Variants in CFAP300 observed in about 807,000 individuals in gnomAD.
CFAP300 encodes the protein cilia- and flagella-associated protein 300.
A neutral mutation model predicts 33.0 loss-of-function variants in CFAP300; 32 were observed. That is an observed-to-expected ratio of 0.97 (90% confidence interval 0.73 to 1.30). The LOEUF is 1.30. Among genes scored for constraint, CFAP300 ranks in the 50% most tolerant of loss-of-function variants. CFAP300 has a pLI of 0.00. For synonymous variants in CFAP300, 102 were observed against 106.8 expected, an observed-to-expected ratio of 0.95 and a Z score of 0.28; for missense variants, 356 against 318.1, an observed-to-expected ratio of 1.12 and a Z score of -0.90.
At chr11:102,066,358 T>A (rs538504284) in intron 3 of CFAP300, 127 bp from the exon 4 acceptor site, 143 of 555,730 alleles carry the variant, frequency 2.6e-4, no homozygotes, top group Middle Eastern at 1.5e-3. Flanking sequence ...ATATATATTT[T>A]AAATATATCA....
chr11:102,080,956 G>C (rs1039582456), intron 5 of CFAP300, among the ~76,000 whole-genome samples: 1 of 152,140 alleles, frequency 6.6e-6, no homozygotes, highest in African/African-American at 2.4e-5. Context: ...GCCTGGGAAG[G>C]TAATTTCATC....
intron 4 of CFAP300, among the ~76,000 whole-genome samples, chr11:102,072,891 C>T (rs953713843): frequency 5.3e-5 from 8 of 152,018 alleles, no homozygotes; most frequent in African/African-American, 1.9e-4. Flanking sequence ...ATGATTTATT[C>T]AGGTGTACTT....
chr11:102,056,246 T>A (rs1942054901), intron 2 of CFAP300, among the ~76,000 whole-genome samples: 1 of 152,234 alleles, frequency 6.6e-6, no homozygotes. Context: ...GTTTCCAAGT[T>A]TTGACACTAC....
At chr11:102,081,160 A>G (rs1294049583) in intron 5 of CFAP300, 55 bp from the exon 6 acceptor site, 1 of 1,246,728 alleles carries the variant, frequency 8.0e-7, no homozygotes, top group African/African-American at 1.5e-5. Context: ...CATTACTTAA[A>G]TGTATATGCC....
intron 4 of CFAP300, among the ~76,000 whole-genome samples, chr11:102,067,116 G>A (rs1379271390): frequency 6.6e-6 from 1 of 152,188 alleles, no homozygotes; most frequent in African/African-American, 2.4e-5. Flanking sequence ...GAGGCAGGTG[G>A]GTGGTTTGAG....
intron 2 of CFAP300, among the ~76,000 whole-genome samples, chr11:102,054,152 A>G (rs1190645123): frequency 6.6e-6 from 1 of 152,184 alleles, no homozygotes; most frequent in Non-Finnish European, 1.5e-5. Context: ...ATTTACCAGT[A>G]TACCCCTTTG....
At chr11:102,056,284 TCCTTATA>T (rs1413595986) in intron 2 of CFAP300, among the ~76,000 whole-genome samples, 2 of 152,212 alleles carry the variant, frequency 1.3e-5, no homozygotes, top group African/African-American at 4.8e-5. Flanking sequence ...AACAAAAAAC[TCCTTATA>T]CCTAAATCTT....
chr11:102,062,572 T>G (rs1384552961), intron 3 of CFAP300, among the ~76,000 whole-genome samples: 1 of 152,186 alleles, frequency 6.6e-6, no homozygotes, highest in Admixed American at 6.5e-5. Context: ...AGTGATGAAA[T>G]TGGAGATTTA....
chr11:102,048,491 A>G (rs1425286491), intron 2 of CFAP300, among the ~76,000 whole-genome samples: 1 of 152,152 alleles, frequency 6.6e-6, no homozygotes, highest in East Asian at 1.9e-4. Context: ...CACCACCCCC[A>G]GCCTCTCTTT....
intron 3 of CFAP300, among the ~76,000 whole-genome samples, chr11:102,066,100 G>C (rs2135033429): frequency 6.6e-6 from 1 of 151,980 alleles, no homozygotes; most frequent in East Asian, 2.0e-4. Flanking sequence ...TGGGATTACA[G>C]GTGTGTGCTG....
At chr11:102,061,258 AT>A (rs957981040) in intron 3 of CFAP300, among the ~76,000 whole-genome samples, 1 of 152,172 alleles carries the variant, frequency 6.6e-6, no homozygotes, top group African/African-American at 2.4e-5. Flanking sequence ...CCACTAGCTC[AT>A]TTTTATCTCC....
intron 2 of CFAP300, among the ~76,000 whole-genome samples, chr11:102,056,348 A>G (rs1942056615): frequency 6.6e-6 from 1 of 152,194 alleles, no homozygotes; most frequent in East Asian, 1.9e-4. Flanking sequence ...GTTGGATGAG[A>G]TATGCATGTT....
intron 6 of CFAP300, among the ~76,000 whole-genome samples, chr11:102,081,759 GCA>G (rs1942476871): frequency 6.6e-6 from 1 of 151,996 alleles, no homozygotes; most frequent in Admixed American, 6.6e-5. Context: ...GGGCATGGTG[GCA>G]CGCGCCTGTA....
At chr11:102,080,231 T>G (rs1017974705) in intron 5 of CFAP300, among the ~76,000 whole-genome samples, 1 of 152,224 alleles carries the variant, frequency 6.6e-6, no homozygotes, top group Admixed American at 6.5e-5. Context: ...TAACAAATTA[T>G]AAATATATGT....
chr11:102,079,357 A>T (rs896606619), intron 5 of CFAP300, among the ~76,000 whole-genome samples: 63 of 152,248 alleles, frequency 4.1e-4, no homozygotes, highest in Non-Finnish European at 2.9e-5. Context: ...CAAAATCTTA[A>T]AAGTAGTATT....
intron 4 of CFAP300, among the ~76,000 whole-genome samples, chr11:102,075,415 C>A (rs1055407677): frequency 3.9e-5 from 6 of 152,050 alleles, no homozygotes; most frequent in Non-Finnish European, 7.4e-5. Context: ...AAAAGGAGTA[C>A]TTGTGGGAGT....
At chr11:102,082,874 G>A (rs1942494354) in intron 6 of CFAP300, among the ~76,000 whole-genome samples, 197 bp from the exon 7 acceptor site, 1 of 152,076 alleles carries the variant, frequency 6.6e-6, no homozygotes, top group South Asian at 2.1e-4. Context: ...GCACATGCCT[G>A]TAATCCCAGC....
At chr11:102,074,345 C>T (rs1215767991) in intron 4 of CFAP300, among the ~76,000 whole-genome samples, 1 of 152,136 alleles carries the variant, frequency 6.6e-6, no homozygotes, top group Non-Finnish European at 1.5e-5. Context: ...GTGAGGATTG[C>T]AGGAGTCCAC....
chr11:102,069,195 A>G (rs893723877), intron 4 of CFAP300, among the ~76,000 whole-genome samples: 2 of 152,194 alleles, frequency 1.3e-5, no homozygotes, highest in African/African-American at 4.8e-5. Flanking sequence ...TCTTGGGTTC[A>G]TTGCTACTCT....
Sources: gnomAD v4.1 joint callset for allele counts (sites outside exome capture counted in the v4.1 genomes callset) on GRCh38, gnomAD v4.1.1 for gene constraint, MANE v1.5 for transcripts, NCBI Gene and HGNC (gene_info 2026-07-23, HGNC 2026-07-21) for gene names.